The following OSGIN1 variants were observed in gnomAD, a reference collection of about 807,000 sequenced individuals.
OSGIN1 encodes oxidative stress induced growth inhibitor 1.
OSGIN1 carries 19 observed loss-of-function variants against 20.1 expected under a neutral mutation model. The observed-to-expected ratio is 0.95, with a 90% CI of 0.66 to 1.39. OSGIN1 has a LOEUF of 1.39. Ranked by LOEUF, OSGIN1 falls within the 40% of genes most tolerant of loss-of-function variation. The probability of loss-of-function intolerance (pLI) is 0.00; values close to 1 mark genes in which losing one functional copy is unlikely to be tolerated. For missense variants in OSGIN1, 820 were observed against 653.0 expected (o/e 1.26, Z -2.79); for synonymous variants, 368 against 297.8 (o/e 1.24, Z -2.43).
In OSGIN1 at chr16:83,966,292, C is replaced by T; in HGVS notation, c.*285C>T. The T allele has an allele frequency of 2.1e-6, 1 of 473,570 alleles. No individual in the cohort carries two copies. The highest frequency in any genetic ancestry group is 3.3e-5 in the East Asian group (1 of 30,074). 29.3% of individuals were successfully genotyped at this position (473,570 alleles called of 1,614,324 possible). A position where few individuals can be genotyped will look rare whatever the true frequency, so the allele number is the denominator to read the frequency against. On this transcript the variant is annotated 3_prime_UTR_variant, in exon 6 of 6. Transcript: ENST00000393306. ...AGCCAGGAGACCTGCAGCCCTGCGC[C>T]TTCCAGAAGCAGGTCCCAAATAAAG...
At chr16:83,964,994 T>TACCCTGC in intron 5 of OSGIN1, 68 bp from the exon 6 acceptor site, 1 of 829,238 alleles carries the variant, frequency 1.2e-6, no homozygotes, top group Non-Finnish European at 1.9e-6. Context: ...CCTGGACATC[T>TACCCTGC]CCCGTCCCAC....
In OSGIN1 at chr16:83,960,548, C is replaced by G. The variant is rs142590240; in HGVS notation, c.205-21C>G. 3 of 1,606,890 alleles carry G rather than the reference C, an allele frequency of 1.9e-6. No individual in the cohort carries two copies. The African/African-American group carries it at 4.0e-5, about 21-fold the overall frequency. ...ACCCCGCCCTCCTCCAGCAGCCCCT[C>G]TGACCTATGCCCCCCTCCAGGACCT... On this transcript the variant is annotated intron_variant, in intron 3 of 5. Transcript: ENST00000393306.
chr16:83,953,570 C>G (rs1039090289), intron 1 of OSGIN1, among the ~76,000 whole-genome samples, 200 bp downstream of exon 1: 3 of 152,248 alleles, frequency 2.0e-5, no homozygotes, highest in African/African-American at 7.2e-5. Flanking sequence ...AGATCCTCAG[C>G]TGTGTCCCTG....
intron 5 of OSGIN1, among the ~76,000 whole-genome samples, chr16:83,963,015 G>C (rs1012683154): frequency 2.0e-5 from 3 of 152,140 alleles, no homozygotes; most frequent in African/African-American, 7.2e-5. Context: ...CACTCAATGA[G>C]AAGCTGCCCC....
At chr16:83,958,165 C>A (rs1250052249) in intron 2 of OSGIN1, among the ~76,000 whole-genome samples, 1 of 152,210 alleles carries the variant, frequency 6.6e-6, no homozygotes, top group Non-Finnish European at 1.5e-5. Context: ...GTGTGAACCA[C>A]CATGCCTGGC....
In OSGIN1 at chr16:83,965,425, C is replaced by T. The variant is rs140509674; in HGVS notation, c.852C>T (p.Ala284=). 4 of 1,584,068 alleles carry T rather than the reference C, an allele frequency of 2.5e-6. No individual in the cohort carries two copies. Among genetic ancestry groups the T allele is most frequent in the Non-Finnish European group, 3.4e-6 (4 of 1,168,352 alleles). ...CAAGGGTGGGTGCGGTGACCCCGGC[C>T]TCAGACCCTGTCCTCATCATTGGCG... The part of the protein sequence containing the change: ...AATRVGAVTP[A]SDPVLIIGAG... The change falls in exon 6 of 6, where the codon GCC becomes GCT. Residue 284 remains alanine, a synonymous_variant. Transcript: ENST00000393306.
At chr16:83,960,908 C>T in intron 4 of OSGIN1, 73 bp from the exon 5 acceptor site, 9 of 1,527,220 alleles carry the variant, frequency 5.9e-6, no homozygotes, top group Non-Finnish European at 8.1e-6. Flanking sequence ...CCAGCAAAGG[C>T]CTCCCATGCC....
At chr16:83,955,599 A>G (rs1290547887) in intron 1 of OSGIN1, among the ~76,000 whole-genome samples, 2 of 152,214 alleles carry the variant, frequency 1.3e-5, no homozygotes, top group Non-Finnish European at 2.9e-5. Context: ...TAAGGATTCA[A>G]TTTGTTAACG....
chr16:83,955,206 A>G (rs1908868533), intron 1 of OSGIN1, among the ~76,000 whole-genome samples: 1 of 152,186 alleles, frequency 6.6e-6, no homozygotes, highest in Admixed American at 6.5e-5. Context: ...CGAGGGTATC[A>G]GGAGCAAGCC....
chr16:83,957,786 G>A (rs768837013), intron 2 of OSGIN1, 48 bp downstream of exon 2: 12 of 1,125,216 alleles, frequency 1.1e-5, no homozygotes, highest in Non-Finnish European at 1.3e-6. Context: ...AGCCTTCCGG[G>A]TACCCCCCAG....
rs1567656440 is a variant in OSGIN1, at chr16:83,960,645, GC to G, written c.284del (p.Pro95GlnfsTer9). On this transcript the variant is annotated frameshift_variant, in exon 4 of 6. Coordinates refer to ENST00000393306, the MANE Select transcript of OSGIN1 (RefSeq NM_182981.3). LOFTEE classifies it high-confidence loss of function. ...GCCCTGCTCTTTGATGCCCTTCTAC[GC>G]CCAGACACAGACTTTGGGGGAAACA... Reference protein sequence around the residue: ...PVALLFDALLRPDTDFGGNMK... With the variant: ...PVALLFDALLXPDTDFGGNMK... 6.2e-7 allele frequency: 1 copy of G among 1,613,512 alleles called. No individual in the cohort carries two copies. Among genetic ancestry groups the G allele is most frequent in the Non-Finnish European group, 8.5e-7 (1 of 1,180,018 alleles).
In OSGIN1 at chr16:83,965,119, C is replaced by T. The variant is rs371987625; in HGVS notation, c.546C>T (p.Tyr182=). 7 of 1,613,070 alleles carry T rather than the reference C, an allele frequency of 4.3e-6. No homozygotes were observed. The highest frequency in any genetic ancestry group is 4.5e-5 in the East Asian group (2 of 44,890). ...ACATCGCCCACTACTACAGGGACTA[C>T]GTGGTCAAGAAGGGTCTGGGGCATA... The part of the protein sequence containing the change: ...AGDIAHYYRD[Y]VVKKGLGHNF... Residue 182 remains tyrosine, a synonymous_variant, in exon 6 of 6, where the codon TAC becomes TAT. Coordinates refer to ENST00000393306, the MANE Select transcript of OSGIN1 (RefSeq NM_182981.3).
intron 5 of OSGIN1, among the ~76,000 whole-genome samples, chr16:83,961,692 G>A (rs897842302): frequency 2.6e-5 from 4 of 152,124 alleles, no homozygotes; most frequent in Non-Finnish European, 5.9e-5. Context: ...CATGAGTGGG[G>A]GTGAGCAGCA....
Position 83,965,193 on chromosome 16 carries a change from A to G in OSGIN1, c.620A>G (p.Asp207Gly). The G allele has an allele frequency of 1.9e-6, 3 of 1,613,176 alleles. No individual in the cohort carries two copies. The highest frequency in any genetic ancestry group is 1.1e-5 in the South Asian group (1 of 91,088). Residue 207 changes from aspartate to glycine, a missense_variant, in exon 6 of 6, where the codon GAT becomes GGT. Transcript: ENST00000393306. The part of the protein sequence containing the change: ...VVTAVEWGTP[D>G]PSSCGAQDSS... The stretch of plus-strand genomic sequence containing the variant: ...ACAGCCGTGGAGTGGGGGACCCCCG[A>G]TCCCAGCAGCTGTGGGGCCCAGGAC...
intron 1 of OSGIN1, 78 bp from the exon 2 acceptor site, chr16:83,957,562 A>G: frequency 1.3e-6 from 1 of 763,970 alleles, no homozygotes; most frequent in African/African-American, 1.8e-5. Context: ...AGGCCACCCT[A>G]GCTGGGAGGT....
At chr16:83,959,212 C>T in intron 2 of OSGIN1, 48 bp from the exon 3 acceptor site, 2 of 1,439,658 alleles carry the variant, frequency 1.4e-6, no homozygotes, top group South Asian at 1.2e-5. Flanking sequence ...CAGTAGTGTC[C>T]CCCACCTGAA....
chr16:83,955,244 C>G (rs986055969), intron 1 of OSGIN1, among the ~76,000 whole-genome samples: 1 of 152,188 alleles, frequency 6.6e-6, no homozygotes, highest in African/African-American at 2.4e-5. Flanking sequence ...ACCCGTAGTC[C>G]TGTTCTCCAA....
intron 2 of OSGIN1, 30 bp from the exon 3 acceptor site, chr16:83,959,230 C>A: frequency 6.3e-7 from 1 of 1,599,822 alleles, no homozygotes; most frequent in Non-Finnish European, 8.6e-7. Flanking sequence ...GAAAAGGCCA[C>A]CCCCTTTAAC....
At chr16:83,957,903 G>A (rs1030151912) in intron 2 of OSGIN1, among the ~76,000 whole-genome samples, 165 bp downstream of exon 2, 2 of 148,926 alleles carry the variant, frequency 1.3e-5, no homozygotes, top group African/African-American at 5.1e-5. Flanking sequence ...TTGAGACAAA[G>A]TCTCACTCTG....
Sources: allele counts gnomAD v4.1 joint callset (sites outside exome capture counted in the v4.1 genomes callset), GRCh38; gene constraint gnomAD v4.1.1; transcripts MANE v1.5; gene names NCBI Gene and HGNC (gene_info 2026-07-23, HGNC 2026-07-21).